The following EYS variants were observed in gnomAD, a reference collection of about 807,000 sequenced individuals.
EYS encodes the protein EGF-like photoreceptor maintenance factor.
EYS carries 250 observed loss-of-function variants against 282.1 expected under a neutral mutation model. The ratio of observed to expected loss-of-function variants is 0.89; its 90% confidence interval spans 0.80 to 0.98. The LOEUF (loss-of-function observed/expected upper bound fraction) is 0.98, where lower values mean the gene tolerates loss of function less well. Ranked by LOEUF, EYS falls within the 50% of genes least tolerant of loss-of-function variation. The pLI is 0.00. For missense variants in EYS, 4,016 were observed against 3,709.0 expected (o/e 1.08, Z -2.15); for synonymous variants, 1,355 against 1,282.9 (o/e 1.06, Z -1.20).
At chr6:64,940,796 C>A (rs1159903219) in intron 15 of EYS, among the ~76,000 whole-genome samples, 2 of 151,944 alleles carry the variant, frequency 1.3e-5, no homozygotes, top group African/African-American at 4.8e-5. Flanking sequence ...ACAGTCTGCA[C>A]CTTATAACCC....
chr6:64,329,203 T>C (rs1169534305), intron 29 of EYS, among the ~76,000 whole-genome samples: 1 of 152,172 alleles, frequency 6.6e-6, no homozygotes, highest in African/African-American at 2.4e-5. Flanking sequence ...ATTTGGCTAT[T>C]GTCTAAAAAT....
At chr6:64,392,538 A>G (rs1318217120) in intron 28 of EYS, among the ~76,000 whole-genome samples, 1 of 151,944 alleles carries the variant, frequency 6.6e-6, no homozygotes, top group Non-Finnish European at 1.5e-5. Flanking sequence ...CTGGGTACAT[A>G]AAGAAATGAA....
intron 5 of EYS, among the ~76,000 whole-genome samples, chr6:65,470,781 G>T (rs1765180031): frequency 6.6e-6 from 1 of 152,140 alleles, no homozygotes; most frequent in African/African-American, 2.4e-5. Context: ...AAGTTGTTAA[G>T]TGTGATACCA....
chr6:64,851,227 C>T (rs1765871628), intron 19 of EYS, among the ~76,000 whole-genome samples: 1 of 151,980 alleles, frequency 6.6e-6, no homozygotes, highest in Non-Finnish European at 1.5e-5. Flanking sequence ...AACATCAAGC[C>T]AGAAAGAATT....
At chr6:65,665,297 G>A (rs543801495) in intron 1 of EYS, among the ~76,000 whole-genome samples, 1 of 152,206 alleles carries the variant, frequency 6.6e-6, no homozygotes, top group African/African-American at 2.4e-5. Flanking sequence ...TCACATAATT[G>A]CACCAGGAAG....
At chr6:63,825,835 T>C (rs1489749071) in intron 36 of EYS, among the ~76,000 whole-genome samples, 4 of 152,024 alleles carry the variant, frequency 2.6e-5, no homozygotes, top group African/African-American at 9.7e-5. Flanking sequence ...AAAACAAGGC[T>C]CATCAACACC....
At chr6:65,007,802 A>T (rs1205932650) in intron 13 of EYS, among the ~76,000 whole-genome samples, 3 of 152,336 alleles carry the variant, frequency 2.0e-5, no homozygotes, top group Admixed American at 2.0e-4. Context: ...TCTTTCTCAG[A>T]CTTAAAGCAA....
At chr6:65,208,850 A>G (rs1342481275) in intron 12 of EYS, among the ~76,000 whole-genome samples, 3 of 151,788 alleles carry the variant, frequency 2.0e-5, no homozygotes, top group Non-Finnish European at 3.0e-5. Flanking sequence ...AATGTCCAAT[A>G]TTGGATGATG....
intron 12 of EYS, among the ~76,000 whole-genome samples, chr6:65,067,867 G>A (rs1205721018): frequency 1.3e-5 from 2 of 152,034 alleles, no homozygotes; most frequent in Non-Finnish European, 2.9e-5. Context: ...TGAGCATAGA[G>A]TCAACTAATA....
At chr6:64,503,859 C>T (rs887223450) in intron 26 of EYS, among the ~76,000 whole-genome samples, 6 of 152,230 alleles carry the variant, frequency 3.9e-5, no homozygotes, top group African/African-American at 1.4e-4. Context: ...GGATTTCTCC[C>T]TTGCTGTACT....
At chr6:64,429,874 T>C (rs1047193638) in intron 28 of EYS, among the ~76,000 whole-genome samples, 2 of 152,226 alleles carry the variant, frequency 1.3e-5, no homozygotes. Context: ...TGTTCATTTT[T>C]TATTTTGTTC....
intron 12 of EYS, among the ~76,000 whole-genome samples, chr6:65,085,775 G>T (rs1001269517): frequency 1.3e-5 from 2 of 151,800 alleles, no homozygotes; most frequent in African/African-American, 4.8e-5. Context: ...TTCCCTTTAC[G>T]TAGCTTTTTG....
At chr6:65,016,580 C>A (rs1362673447) in intron 13 of EYS, among the ~76,000 whole-genome samples, 3 of 152,128 alleles carry the variant, frequency 2.0e-5, no homozygotes, top group Admixed American at 6.6e-5. Flanking sequence ...CAAGAGGCAT[C>A]ATGTAGGATA....
At chr6:65,101,518 T>C (rs1375444529) in intron 12 of EYS, among the ~76,000 whole-genome samples, 1 of 151,296 alleles carries the variant, frequency 6.6e-6, no homozygotes, top group Admixed American at 6.6e-5. Context: ...TTACATACAA[T>C]ATTAAGAAAG....
chr6:65,669,482 A>G (rs142357843), intron 1 of EYS, among the ~76,000 whole-genome samples: 1,624 of 152,118 alleles, frequency 0.011, 10 homozygotes, highest in Non-Finnish European at 0.016. Flanking sequence ...GCTTAAAATC[A>G]GAGAAAAATA....
At chr6:64,604,866 G>A (rs142546937) in intron 24 of EYS, among the ~76,000 whole-genome samples, 88 of 152,076 alleles carry the variant, frequency 5.8e-4, no homozygotes, top group Middle Eastern at 3.4e-3. Flanking sequence ...AGACAGATGC[G>A]CAGGCAACAA....
intron 35 of EYS, among the ~76,000 whole-genome samples, chr6:63,918,902 A>G (rs959096644): frequency 2.0e-5 from 3 of 152,204 alleles, no homozygotes; most frequent in Non-Finnish European, 4.4e-5. Context: ...TAAGTCATGT[A>G]AAAGCTTTCA....
At chr6:64,100,377 C>T (rs1274612694) in intron 31 of EYS, among the ~76,000 whole-genome samples, 1 of 152,010 alleles carries the variant, frequency 6.6e-6, no homozygotes, top group Non-Finnish European at 1.5e-5. Flanking sequence ...TTCTCTTTTG[C>T]CCTGCTTGTT....
intron 12 of EYS, among the ~76,000 whole-genome samples, chr6:65,195,228 G>A (rs1185478492): frequency 1.3e-5 from 2 of 151,840 alleles, no homozygotes; most frequent in Admixed American, 1.3e-4. Context: ...TTGCTTATTT[G>A]ACCTATTGGC....
Sources: gnomAD v4.1 joint callset for allele counts (sites outside exome capture counted in the v4.1 genomes callset) on GRCh38, gnomAD v4.1.1 for gene constraint, MANE v1.5 for transcripts, NCBI Gene and HGNC (gene_info 2026-07-23, HGNC 2026-07-21) for gene names.